The following GPR158 variants were observed in gnomAD, a reference collection of about 807,000 sequenced individuals.
GPR158 encodes the protein metabotropic glycine receptor.
A neutral mutation model predicts 78.2 loss-of-function variants in GPR158; 30 were observed. The ratio of observed to expected loss-of-function variants is 0.38; its 90% CI spans 0.29 to 0.52. The LOEUF (loss-of-function observed/expected upper bound fraction) is 0.52. GPR158 is among the 20% of genes least tolerant of loss of function. The pLI is 0.83. For missense variants in GPR158, 1,463 were observed against 1,523.5 expected, an observed-to-expected ratio of 0.96 and a Z score of 0.66; for synonymous variants, 581 against 591.1, an observed-to-expected ratio of 0.98 and a Z score of 0.25.
At chr10:25,248,901 T>A (rs1588757007) in intron 2 of GPR158, among the ~76,000 whole-genome samples, 1 of 151,410 alleles carries the variant, frequency 6.6e-6, no homozygotes, top group Non-Finnish European at 1.5e-5. Flanking sequence ...TAAATTACCT[T>A]GGGCAGTATG....
chr10:25,206,111 G>A (rs377144775), intron 1 of GPR158, among the ~76,000 whole-genome samples: 7 of 150,944 alleles, frequency 4.6e-5, no homozygotes, highest in Non-Finnish European at 7.4e-5. Flanking sequence ...TCAGCCTCCC[G>A]AGTAGCTGGG....
At chr10:25,263,052 A>G (rs1472494758) in intron 2 of GPR158, among the ~76,000 whole-genome samples, 1 of 152,148 alleles carries the variant, frequency 6.6e-6, no homozygotes, top group Non-Finnish European at 1.5e-5. Flanking sequence ...TTTAATTTTA[A>G]TGAAGACCAG....
At chr10:25,191,059 C>T (rs1183161383) in intron 1 of GPR158, among the ~76,000 whole-genome samples, 1 of 152,196 alleles carries the variant, frequency 6.6e-6, no homozygotes, top group Non-Finnish European at 1.5e-5. Context: ...AAGCCTCTCA[C>T]AATACAGTCC....
rs1184078183 is a variant in GPR158, at chr10:25,597,900, T to C, written c.2274T>C (p.Ile758=). The change falls in exon 11 of 11, where the codon ATT becomes ATC. Residue 758 remains isoleucine, a synonymous_variant. Coordinates refer to ENST00000376351, the MANE Select transcript of GPR158 (RefSeq NM_020752.3). ...TAGGTCGTTCCATCATGAGACGCAT[T>C]ACGGAGATCCCAGAGACAGTCAGCC... is the stretch of plus-strand genomic sequence containing the variant. ...KGLGRSIMRR[I]TEIPETVSRQ... 1 of 1,610,200 alleles carries C rather than the reference T, an allele frequency of 6.2e-7. No homozygotes were observed. Among genetic ancestry groups the C allele is most frequent in the East Asian group, 2.2e-5 (1 of 44,822 alleles).
chr10:25,415,564 C>A (rs1014653411), intron 4 of GPR158, among the ~76,000 whole-genome samples: 2 of 152,006 alleles, frequency 1.3e-5, no homozygotes, highest in African/African-American at 4.8e-5. Flanking sequence ...GTAAATGGTA[C>A]AGCCCTTTTG....
intron 3 of GPR158, 115 bp from the exon 4 acceptor site, chr10:25,412,135 G>A: frequency 1.4e-6 from 1 of 724,832 alleles, no homozygotes; most frequent in South Asian, 1.7e-5. Flanking sequence ...GTTGACAAAA[G>A]GTCTTTAATA....
At chr10:25,186,489 GAAGAA>G (rs1369098499) in intron 1 of GPR158, among the ~76,000 whole-genome samples, 1 of 151,992 alleles carries the variant, frequency 6.6e-6, no homozygotes, top group Non-Finnish European at 1.5e-5. Context: ...GACTAATAAA[GAAGAA>G]AAGAGAGAAG....
chr10:25,306,421 C>A (rs67187098), intron 2 of GPR158, among the ~76,000 whole-genome samples: 30,775 of 152,000 alleles, frequency 0.2, 5,261 homozygotes, highest in African/African-American at 0.47. Flanking sequence ...AACTGTGACC[C>A]AAAGAGACAT....
chr10:25,433,748 G>A (rs1834957051), intron 4 of GPR158, among the ~76,000 whole-genome samples: 1 of 133,684 alleles, frequency 7.5e-6, no homozygotes, highest in Admixed American at 8.7e-5. Flanking sequence ...GCCCAGTCTG[G>A]TCTCAAACTC....
chr10:25,489,202 T>C (rs115553942), intron 5 of GPR158, among the ~76,000 whole-genome samples: 1,784 of 152,280 alleles, frequency 0.012, 38 homozygotes, highest in African/African-American at 0.041. Flanking sequence ...TTTCTGCCTA[T>C]CTATAAATTA....
intron 2 of GPR158, among the ~76,000 whole-genome samples, chr10:25,350,370 C>T (rs1466226858): frequency 6.6e-6 from 1 of 151,952 alleles, no homozygotes; most frequent in African/African-American, 2.4e-5. Flanking sequence ...TAAACTGACC[C>T]ATAGGCTTCT....
chr10:25,218,072 G>A (rs902001167), intron 1 of GPR158, among the ~76,000 whole-genome samples: 1 of 152,030 alleles, frequency 6.6e-6, no homozygotes, highest in Non-Finnish European at 1.5e-5. Flanking sequence ...GGATCTTTGC[G>A]TCCCTTTCAG....
intron 1 of GPR158, among the ~76,000 whole-genome samples, chr10:25,208,781 G>A (rs908451925): frequency 1.3e-4 from 19 of 151,848 alleles, no homozygotes; most frequent in African/African-American, 4.1e-4. Context: ...TAGAGCACAG[G>A]TTTGGGATTA....
At chr10:25,508,782 T>C (rs1836046671) in intron 5 of GPR158, among the ~76,000 whole-genome samples, 1 of 152,128 alleles carries the variant, frequency 6.6e-6, no homozygotes, top group Non-Finnish European at 1.5e-5. Flanking sequence ...AAGAAGACCT[T>C]ATTGCAATTA....
chr10:25,228,166 T>C (rs939297733), intron 2 of GPR158, among the ~76,000 whole-genome samples: 15 of 152,180 alleles, frequency 9.9e-5, no homozygotes, highest in African/African-American at 3.4e-4. Flanking sequence ...TTCCAGCTAC[T>C]CAGGAGGCTG....
chr10:25,257,858 A>G (rs1020617929), intron 2 of GPR158, among the ~76,000 whole-genome samples: 1 of 152,178 alleles, frequency 6.6e-6, no homozygotes, highest in Non-Finnish European at 1.5e-5. Flanking sequence ...TGGCCTTGCA[A>G]CAGTCTTCTC....
chr10:25,543,616 C>T (rs1052255028), intron 5 of GPR158, among the ~76,000 whole-genome samples: 1 of 152,106 alleles, frequency 6.6e-6, no homozygotes, highest in Non-Finnish European at 1.5e-5. Context: ...ACATCAGCCA[C>T]CTCCTTTCAC....
At chr10:25,438,937 T>C (rs1429072825) in intron 4 of GPR158, among the ~76,000 whole-genome samples, 7 of 152,216 alleles carry the variant, frequency 4.6e-5, no homozygotes, top group African/African-American at 1.7e-4. Context: ...AATTCAGATT[T>C]CAGTGTCCAC....
At chr10:25,292,335 T>G (rs936727652) in intron 2 of GPR158, among the ~76,000 whole-genome samples, 15 of 152,160 alleles carry the variant, frequency 9.9e-5, no homozygotes, top group Non-Finnish European at 1.9e-4. Flanking sequence ...ATATTTCTGT[T>G]TACTTTAGAC....
Sources: allele counts gnomAD v4.1 joint callset (sites outside exome capture counted in the v4.1 genomes callset), GRCh38; gene constraint gnomAD v4.1.1; transcripts MANE v1.5; gene names NCBI Gene and HGNC (gene_info 2026-07-23, HGNC 2026-07-21).